The following NSMAF variants were observed in gnomAD, a reference collection of about 807,000 sequenced individuals.
NSMAF encodes neutral sphingomyelinase activation associated factor, also known as protein FAN.
A neutral mutation model predicts 134.9 loss-of-function variants in NSMAF; 90 were observed. That is an observed-to-expected ratio of 0.67 (90% CI 0.56 to 0.79). NSMAF has a LOEUF of 0.79. Among genes scored for constraint, NSMAF ranks in the 30% least tolerant of loss-of-function variants. The pLI is 0.00. For missense variants in NSMAF, 1,010 were observed against 1,119.0 expected (o/e 0.90, Z 1.39); for synonymous variants, 358 against 389.6 (o/e 0.92, Z 0.96).
At chr8:58,606,917 T>C (rs7825739) in intron 11 of NSMAF, among the ~76,000 whole-genome samples, 48,237 of 152,130 alleles carry the variant, frequency 0.32, 7,986 homozygotes, top group Non-Finnish European at 0.36. Flanking sequence ...ACTTAATCAA[T>C]GTTAATTTCT....
chr8:58,621,582 A>T (rs1275352774), intron 9 of NSMAF, among the ~76,000 whole-genome samples: 3 of 152,224 alleles, frequency 2.0e-5, no homozygotes, highest in Non-Finnish European at 4.4e-5. Context: ...CCAACAGGGT[A>T]CAAGCATTCC....
In NSMAF at chr8:58,595,616, C is replaced by T; in HGVS notation, c.1836G>A (p.Leu612=). The T allele has an allele frequency of 3.1e-6, 5 of 1,614,068 alleles. No homozygotes were observed. Among genetic ancestry groups the T allele is most frequent in the Non-Finnish European group, 4.2e-6 (5 of 1,179,976 alleles). ...GCAGTTTGGTGATGTTATTCCAGGC[C>T]AGTGTTTTGCTTTCTTCGGTCAGGT... ...FEDLTEESKT[L]AWNNITKLQL... Residue 612 remains leucine, a synonymous_variant, in exon 22 of 31, where the codon CTG becomes CTA. Transcript: ENST00000038176.
intron 12 of NSMAF, 43 bp downstream of exon 12, chr8:58,605,880 CAAAA>C (rs371910886): frequency 1.6e-3 from 1,976 of 1,271,194 alleles, no homozygotes; most frequent in South Asian, 4.0e-3. Flanking sequence ...ACTCAGCCTC[CAAAA>C]AAAAAAAAAA....
At chr8:58,632,776 G>A (rs544928794) in intron 5 of NSMAF, among the ~76,000 whole-genome samples, 31 of 152,240 alleles carry the variant, frequency 2.0e-4, no homozygotes, top group African/African-American at 7.0e-4. Flanking sequence ...CCTGCTGGAC[G>A]TCTCCCCTTG....
At chr8:58,614,935 T>C (rs538091376) in intron 9 of NSMAF, among the ~76,000 whole-genome samples, 1 of 152,224 alleles carries the variant, frequency 6.6e-6, no homozygotes, top group South Asian at 2.1e-4. Context: ...AAGACTCAAC[T>C]ATATATTTAA....
intron 1 of NSMAF, among the ~76,000 whole-genome samples, chr8:58,648,351 GAACATAA>G (rs970817704): frequency 6.6e-6 from 1 of 152,170 alleles, no homozygotes; most frequent in Admixed American, 6.5e-5. Flanking sequence ...AAGGAAAGCA[GAACATAA>G]AACTCTGGGA....
At chr8:58,650,450 T>C (rs548959184) in intron 1 of NSMAF, among the ~76,000 whole-genome samples, 1 of 152,330 alleles carries the variant, frequency 6.6e-6, no homozygotes, top group East Asian at 1.9e-4. Flanking sequence ...TGATTTTCTT[T>C]TTCTTTTTTA....
At chr8:58,610,559 G>A (rs1199918947) in intron 9 of NSMAF, among the ~76,000 whole-genome samples, 1 of 152,172 alleles carries the variant, frequency 6.6e-6, no homozygotes, top group Non-Finnish European at 1.5e-5. Context: ...AAACCGACTG[G>A]AATGTTGAGC....
Position 58,584,016 on chromosome 8 carries a change from AAC to A in NSMAF, c.*88_*89del. The A allele has an allele frequency of 1.0e-6, 1 of 998,088 alleles. No individual in the cohort carries two copies. The highest frequency in any genetic ancestry group is 1.6e-6 in the Non-Finnish European group (1 of 631,166). The allele number at this position is 998,088 out of a possible 1,614,324, so 61.8% of individuals were successfully genotyped here. ...CCATGTGGTAAAACTTCTAATTACT[AAC>A]ATTGCACATTCACCAGTCCGTTTAA... On this transcript the variant is annotated 3_prime_UTR_variant, in exon 31 of 31. Transcript: ENST00000038176.
chr8:58,618,622 C>G lies in NSMAF; in HGVS notation c.557+4598G>C, dbSNP rs370037726. Among the ~76,000 whole-genome samples, 14 of 151,974 alleles carry G rather than the reference C, an allele frequency of 9.2e-5. No individual in the cohort carries two copies. In the East Asian group the frequency reaches 1.2e-3, roughly 13 times the overall value. ...TATACATACAAATAACACACACACA[C>G]ACAGAGCAACAATGTGAGTAGGAGC... On this transcript the variant is annotated intron_variant, in intron 9 of 30. Coordinates refer to ENST00000038176, the MANE Select transcript of NSMAF (RefSeq NM_003580.4).
At chr8:58,623,031 C>A (rs1203699973) in intron 9 of NSMAF, among the ~76,000 whole-genome samples, 189 bp downstream of exon 9, 1 of 152,132 alleles carries the variant, frequency 6.6e-6, no homozygotes, top group Non-Finnish European at 1.5e-5. Context: ...TTCTGACTGA[C>A]AGACATCAGG....
At position 58,601,546 on chromosome 8, in the gene NSMAF, G is replaced by GGAA. The variant is rs1554573854; in HGVS notation, c.1126-12_1126-11insTTC. Reference sequence around the variant, plus strand: ...TTCCTGGTAGCGTGTCTAGAATACAGAAAAAAAAAAAAAATAGAGCTAAGT... The same window carrying GGAA: ...TTCCTGGTAGCGTGTCTAGAATACAGGAAAAAAAAAAAAAAAATAGAGCTAAGT... On this transcript the variant is annotated splice_polypyrimidine_tract_variant and intron_variant, in intron 14 of 30. Transcript: ENST00000038176. 12 of 1,443,144 alleles carry GGAA rather than the reference G, an allele frequency of 8.3e-6. No homozygotes were observed. Among genetic ancestry groups the GGAA allele is most frequent in the South Asian group, 7.3e-5 (5 of 68,474 alleles). The allele number at this position is 1,443,144 out of a possible 1,614,324, so 89.4% of individuals were successfully genotyped here.
intron 6 of NSMAF, among the ~76,000 whole-genome samples, chr8:58,630,628 T>G (rs534412767): frequency 6.6e-6 from 1 of 152,208 alleles, no homozygotes; most frequent in South Asian, 2.1e-4. Flanking sequence ...AGCTGTAATA[T>G]AAGTGACAGC....
At chr8:58,594,129 G>A in intron 23 of NSMAF, 103 bp downstream of exon 23, 1 of 896,592 alleles carries the variant, frequency 1.1e-6, no homozygotes, top group East Asian at 2.4e-5. Context: ...ACTTTATGTG[G>A]AGGCAGCACA....
chr8:58,634,145 G>A (rs1446723480), intron 5 of NSMAF, among the ~76,000 whole-genome samples: 1 of 152,192 alleles, frequency 6.6e-6, no homozygotes, highest in Non-Finnish European at 1.5e-5. Flanking sequence ...CCCCAGAGCA[G>A]TAGATGGTTG....
At chr8:58,625,702 A>G (rs1806915001) in intron 6 of NSMAF, among the ~76,000 whole-genome samples, 1 of 152,148 alleles carries the variant, frequency 6.6e-6, no homozygotes, top group South Asian at 2.1e-4. Flanking sequence ...TGCAGATGGC[A>G]TATAGTTTTA....
At chr8:58,610,663 G>T (rs187138775) in intron 9 of NSMAF, among the ~76,000 whole-genome samples, 4 of 152,220 alleles carry the variant, frequency 2.6e-5, no homozygotes, top group African/African-American at 9.6e-5. Flanking sequence ...ATAGAAGTGA[G>T]TAAGGGCTGC....
rs183997388 is a variant in NSMAF, at chr8:58,588,714, G to A, written c.2211+738C>T. 1,076 of 1,534,152 alleles carry A rather than the reference G, an allele frequency of 7.0e-4. 7 individuals carry two copies. In the African/African-American group the frequency reaches 0.012, roughly 17 times the overall value. Reference sequence around the variant, plus strand: ...AGTTAGTGCAGCGAATAGGCTGCACGTGGCCGCGGCCCTTTTTGGCACGAC... The same window carrying A: ...AGTTAGTGCAGCGAATAGGCTGCACATGGCCGCGGCCCTTTTTGGCACGAC... On this transcript the variant is annotated intron_variant, in intron 26 of 30. Coordinates refer to ENST00000038176, the MANE Select transcript of NSMAF (RefSeq NM_003580.4).
At chr8:58,609,322 G>A (rs113612498) in intron 10 of NSMAF, among the ~76,000 whole-genome samples, 6 of 152,258 alleles carry the variant, frequency 3.9e-5, no homozygotes, top group East Asian at 3.9e-4. Context: ...AATCTCTAGC[G>A]ACCCTTTACT....
Sources: allele counts gnomAD v4.1 joint callset (sites outside exome capture counted in the v4.1 genomes callset), GRCh38; gene constraint gnomAD v4.1.1; transcripts MANE v1.5; gene names NCBI Gene and HGNC (gene_info 2026-07-23, HGNC 2026-07-21).